ARID2: variants seen among roughly 807,000 people sequenced by gnomAD.
ARID2 encodes the protein AT-rich interaction domain 2.
A neutral mutation model predicts 184.6 loss-of-function variants in ARID2; 32 were observed. That is an observed-to-expected ratio of 0.17 (90% CI 0.13 to 0.23). The LOEUF is 0.23. Ranked by LOEUF, ARID2 falls within the 10% of genes least tolerant of loss-of-function variation. The probability of loss-of-function intolerance (pLI) is 1.00; values close to 1 mark genes in which losing one functional copy is unlikely to be tolerated. For missense variants in ARID2, 1,696 were observed against 2,197.6 expected, an observed-to-expected ratio of 0.77 and a Z score of 4.56; for synonymous variants, 836 against 772.6, an observed-to-expected ratio of 1.08 and a Z score of -1.36.
At chr12:45,860,707 G>A (rs1025549827) in intron 15 of ARID2, 94 bp from the exon 16 acceptor site, 5 of 1,106,500 alleles carry the variant, frequency 4.5e-6, no homozygotes, top group Non-Finnish European at 5.8e-6. Context: ...TGGTAGAAAT[G>A]TATAACAACA....
intron 1 of ARID2, 57 bp downstream of exon 1, chr12:45,729,985 C>T (rs1940945470): frequency 1.2e-6 from 2 of 1,605,870 alleles, no homozygotes; most frequent in Admixed American, 3.4e-5. Flanking sequence ...CGGGGCTCTC[C>T]CGCCCGGGCC....
chr12:45,855,867 T>C (rs995120228), intron 15 of ARID2, among the ~76,000 whole-genome samples: 1 of 151,964 alleles, frequency 6.6e-6, no homozygotes, highest in African/African-American at 2.4e-5. Context: ...AGCACAGGCA[T>C]GTACTGCCAT....
chr12:45,730,287 C>G (rs924752781), intron 2 of ARID2, 150 bp downstream of exon 2: 3 of 636,018 alleles, frequency 4.7e-6, no homozygotes, highest in Admixed American at 4.1e-5. Flanking sequence ...CGGAGGCGGA[C>G]GGCGGCGGGG....
intron 2 of ARID2, 85 bp downstream of exon 2, chr12:45,730,222 T>G: frequency 2.2e-6 from 3 of 1,348,274 alleles, no homozygotes; most frequent in African/African-American, 1.5e-5. Context: ...CGCTTGGGGC[T>G]GGGGGGGTGG....
Position 45,907,294 on chromosome 12 carries a change from C to T in ARID2, c.*2216C>T, listed in dbSNP as rs564734194. ...TCTTTTAAAAAGTAAATTTGTGCAACAACGTTTATTTGAAAGATAATGTCT... is the reference window on the plus strand; with the variant it reads ...TCTTTTAAAAAGTAAATTTGTGCAATAACGTTTATTTGAAAGATAATGTCT... On this transcript the variant is annotated 3_prime_UTR_variant, in exon 21 of 21. Coordinates refer to ENST00000334344, the MANE Select transcript of ARID2 (RefSeq NM_152641.4). 3.0e-5 allele frequency: 7 copies of T among 232,908 alleles called. No homozygotes were observed. The Middle Eastern group carries it at 5.1e-3, about 169-fold the overall frequency. 14.4% of individuals were successfully genotyped at this position (232,908 alleles called of 1,614,324 possible). A position where few individuals can be genotyped will look rare whatever the true frequency, so the allele number is the denominator to read the frequency against.
intron 16 of ARID2, among the ~76,000 whole-genome samples, chr12:45,875,250 A>C (rs1943992154): frequency 6.6e-6 from 1 of 152,378 alleles, no homozygotes; most frequent in South Asian, 2.1e-4. Context: ...ACCTAGATAC[A>C]TTGTCAGTGA....
chr12:45,835,714 A>G (rs1943207959), intron 6 of ARID2, among the ~76,000 whole-genome samples: 1 of 152,130 alleles, frequency 6.6e-6, no homozygotes, highest in South Asian at 2.1e-4. Flanking sequence ...ATCCTGGCCA[A>G]CATGGTGAAA....
At chr12:45,807,219 T>C (rs1039462937) in intron 3 of ARID2, among the ~76,000 whole-genome samples, 6 of 152,196 alleles carry the variant, frequency 3.9e-5, no homozygotes, top group Admixed American at 3.3e-4. Flanking sequence ...AAGTTTATTG[T>C]AATTGGATTT....
At chr12:45,854,945 G>T (rs887829758) in intron 15 of ARID2, among the ~76,000 whole-genome samples, 1 of 152,170 alleles carries the variant, frequency 6.6e-6, no homozygotes, top group Non-Finnish European at 1.5e-5. Context: ...CTAATATGAG[G>T]TGGTACCAGG....
chr12:45,784,410 T>C (rs1942155400), intron 3 of ARID2, among the ~76,000 whole-genome samples: 1 of 152,180 alleles, frequency 6.6e-6, no homozygotes, highest in Non-Finnish European at 1.5e-5. Flanking sequence ...CTTATAATAA[T>C]ATCTAAGAAT....
chr12:45,804,679 G>T (rs1942568996), intron 3 of ARID2, among the ~76,000 whole-genome samples: 1 of 151,852 alleles, frequency 6.6e-6, no homozygotes, highest in Non-Finnish European at 1.5e-5. Context: ...CTGGTTTTTT[G>T]ATGTTAAAAA....
chr12:45,893,387 TTCTC>T (rs138252675), intron 18 of ARID2, 29 bp from the exon 19 acceptor site: 1,225 of 1,432,148 alleles, frequency 8.6e-4, no homozygotes, highest in Admixed American at 2.4e-3. Flanking sequence ...ATCACGTTAA[TTCTC>T]TCTCTCTCTC....
chr12:45,796,922 T>C (rs562642687), intron 3 of ARID2, among the ~76,000 whole-genome samples: 12 of 152,246 alleles, frequency 7.9e-5, no homozygotes, highest in Admixed American at 7.9e-4. Context: ...TCAGAACCGA[T>C]ATAACACTAT....
chr12:45,762,346 A>C (rs1248929834), intron 3 of ARID2, among the ~76,000 whole-genome samples: 3 of 152,188 alleles, frequency 2.0e-5, no homozygotes, highest in South Asian at 4.1e-4. Flanking sequence ...TCTTAGGGAC[A>C]CTTGTCCGTA....
intron 3 of ARID2, among the ~76,000 whole-genome samples, chr12:45,796,102 A>G (rs1201894286): frequency 6.6e-6 from 1 of 152,134 alleles, no homozygotes. Context: ...AATGATTTAT[A>G]TCTTAACTAA....
rs1328339855 is a variant in ARID2, at chr12:45,729,715, T to C, written c.-122T>C. 5.1e-6 allele frequency: 4 copies of C among 780,250 alleles called. No individual in the cohort carries two copies. Among genetic ancestry groups the C allele is most frequent in the Non-Finnish European group, 5.6e-6 (3 of 536,984 alleles). The allele number at this position is 780,250 out of a possible 1,614,324, so 48.3% of individuals were successfully genotyped here. On this transcript the variant is annotated 5_prime_UTR_variant, in exon 1 of 21. The change abolishes an upstream ATG in the 5' untranslated region. Coordinates refer to ENST00000334344, the MANE Select transcript of ARID2 (RefSeq NM_152641.4). ...CGCCGCCGCCGCCACCGCCGGCCCATGACTGAGCCCCGCCGCCGCCGGCCG... is the reference window on the plus strand; with the variant it reads ...CGCCGCCGCCGCCACCGCCGGCCCACGACTGAGCCCCGCCGCCGCCGGCCG...
chr12:45,804,999 G>A (rs1942574681), intron 3 of ARID2, among the ~76,000 whole-genome samples: 2 of 152,032 alleles, frequency 1.3e-5, no homozygotes, highest in South Asian at 4.1e-4. Context: ...GTTTGTATGG[G>A]TCCATTTCAG....
chr12:45,840,443 G>C (rs970938307), intron 11 of ARID2: 2 of 152,136 alleles, frequency 1.3e-5, no homozygotes, highest in African/African-American at 4.8e-5. Context: ...AGAAAGAGAT[G>C]CTAATTTCTT....
At chr12:45,894,647 T>C (rs1944345377) in intron 20 of ARID2, among the ~76,000 whole-genome samples, 1 of 152,184 alleles carries the variant, frequency 6.6e-6, no homozygotes, top group Non-Finnish European at 1.5e-5. Flanking sequence ...AGTTGAAAAG[T>C]ATTTGCAATG....
Sources: allele counts gnomAD v4.1 joint callset (sites outside exome capture counted in the v4.1 genomes callset), GRCh38; gene constraint gnomAD v4.1.1; transcripts MANE v1.5; gene names NCBI Gene and HGNC (gene_info 2026-07-23, HGNC 2026-07-21).